BIRC6: variants seen among roughly 807,000 people sequenced by gnomAD.
BIRC6 encodes dual E2 ubiquitin-conjugating enzyme/E3 ubiquitin-protein ligase BIRC6.
Under a neutral mutation model 503.3 loss-of-function variants are expected in BIRC6, and 98 were observed. The observed-to-expected ratio is 0.19, with a 90% CI of 0.17 to 0.23. BIRC6 has a LOEUF of 0.23. Among genes scored for constraint, BIRC6 ranks in the 10% least tolerant of loss-of-function variants. BIRC6 has a pLI of 1.00. For missense variants in BIRC6, 5,360 were observed against 5,806.0 expected (o/e 0.92, Z 2.50); for synonymous variants, 2,240 against 2,078.7 (o/e 1.08, Z -2.11).
intron 24 of BIRC6, 86 bp from the exon 25 acceptor site, chr2:32,464,423 C>T (rs2048314937): frequency 1.5e-6 from 2 of 1,371,856 alleles, no homozygotes; most frequent in Non-Finnish European, 1.9e-6. Context: ...TCATGTTTAT[C>T]TTCATAATAT....
At position 32,531,458 on chromosome 2, in the gene BIRC6, A is replaced by T. The variant is rs117768528; in HGVS notation, c.12198A>T (p.Pro4066=). The change falls in exon 61 of 74, where the codon CCA becomes CCT. Residue 4066 remains proline (P), a synonymous_variant. Coordinates refer to ENST00000421745, the MANE Select transcript of BIRC6 (RefSeq NM_016252.4). ...ATGAATCTTTGCTTGAAACCTGTCC[A>T]ATTCAGTCACCATTACAAGTTTTTG... ...ILDESLLETC[P]IQSPLQVFAG... is the part of the protein sequence containing the mutation. 2.2e-5 allele frequency: 36 copies of T among 1,613,882 alleles called. No individual in the cohort carries two copies. In the East Asian group the frequency reaches 7.6e-4, roughly 34 times the overall value.
intron 9 of BIRC6, among the ~76,000 whole-genome samples, chr2:32,411,430 A>ATT (rs71407450): frequency 7.2e-6 from 1 of 139,008 alleles, no homozygotes; most frequent in Non-Finnish European, 1.6e-5. Flanking sequence ...TTATTTTTTT[A>ATT]TTTTTTTTTT....
intron 61 of BIRC6, among the ~76,000 whole-genome samples, chr2:32,534,981 G>T (rs1265079267): frequency 6.6e-6 from 1 of 151,246 alleles, no homozygotes; most frequent in Non-Finnish European, 1.5e-5. Flanking sequence ...TGCAGGATAT[G>T]CATGCCTGGA....
intron 45 of BIRC6, among the ~76,000 whole-genome samples, chr2:32,499,011 C>T (rs2052830630): frequency 6.6e-6 from 1 of 152,202 alleles, no homozygotes; most frequent in South Asian, 2.1e-4. Flanking sequence ...AGCCACTGCA[C>T]CTGGCCTAAT....
intron 67 of BIRC6, among the ~76,000 whole-genome samples, chr2:32,594,772 G>T (rs1370828285): frequency 6.6e-6 from 1 of 151,356 alleles, no homozygotes; most frequent in African/African-American, 2.5e-5. Flanking sequence ...TGAAGAAAGT[G>T]ATCTGAATTA....
intron 39 of BIRC6, among the ~76,000 whole-genome samples, chr2:32,484,396 A>G (rs1169164994): frequency 3.9e-5 from 6 of 151,990 alleles, no homozygotes; most frequent in African/African-American, 1.4e-4. Flanking sequence ...TACTACAAAT[A>G]TAAAAAAATT....
intron 54 of BIRC6, among the ~76,000 whole-genome samples, chr2:32,513,874 A>T (rs1016230080): frequency 1.2e-4 from 18 of 151,816 alleles, no homozygotes; most frequent in African/African-American, 4.1e-4. Context: ...GCACCATTGA[A>T]CTCAAGCCTG....
In BIRC6 at chr2:32,518,397, A is replaced by G; in HGVS notation, c.11493A>G (p.Pro3831=). ...CAATGTTTCTTCAGTCTCCATGTCC[A>G]GTGAGTATTTAACACTTAATCATTG... ...KVTMFLQSPC[P]LYKGRINATS... is the part of the protein sequence containing the mutation. The change falls in exon 56 of 74, where the codon CCA becomes CCG. Residue 3831 remains proline, a splice_region_variant and synonymous_variant. Transcript: ENST00000421745. 3 of 1,605,814 alleles carry G rather than the reference A, an allele frequency of 1.9e-6. No homozygotes were observed. Among genetic ancestry groups the G allele is most frequent in the East Asian group, 2.2e-5 (1 of 44,778 alleles).
chr2:32,446,738 G>GTTTTTTTTTT lies in BIRC6; in HGVS notation c.4484+1094_4484+1103dup, dbSNP rs58232090. ...TCTAGTCAGCATCTCCCTCTGCGCTGTTTTTTTTTTTTTTTTTTTTTTTTT... is the reference window on the plus strand; with the variant it reads ...TCTAGTCAGCATCTCCCTCTGCGCTGTTTTTTTTTTTTTTTTTTTTTTTTTTTTTTTTTTT... On this transcript the variant is annotated intron_variant, in intron 21 of 73. Transcript: ENST00000421745. 2.6e-4 allele frequency among the ~76,000 whole-genome samples: 9 copies of GTTTTTTTTTT among 34,856 alleles called. 2 individuals carry two copies. Among genetic ancestry groups the GTTTTTTTTTT allele is most frequent in the East Asian group, 1.4e-3 (1 of 738 alleles). The allele number at this position is 34,856 out of a possible 152,430, so 22.9% of individuals were successfully genotyped here.
rs2151625875 is a variant in BIRC6 at position 32,606,335 on chromosome 2, C to G, written c.14071-1120C>G. Among the ~76,000 whole-genome samples, 2 of 152,246 alleles carry G rather than the reference C, an allele frequency of 1.3e-5. 1 individual carries two copies. The highest frequency in any genetic ancestry group is 2.9e-5 in the Non-Finnish European group (2 of 68,024). Reference sequence around the variant, plus strand: ...GGGTATGATGGCTCAGACCTGTAATCTCAGCACTTTGGGAGGCCAAGGTGG... The same window carrying G: ...GGGTATGATGGCTCAGACCTGTAATGTCAGCACTTTGGGAGGCCAAGGTGG... On this transcript the variant is annotated intron_variant, in intron 71 of 73. Coordinates refer to ENST00000421745, the MANE Select transcript of BIRC6 (RefSeq NM_016252.4).
intron 39 of BIRC6, among the ~76,000 whole-genome samples, chr2:32,484,696 T>G (rs1204609437): frequency 6.6e-6 from 1 of 152,092 alleles, no homozygotes; most frequent in African/African-American, 2.4e-5. Context: ...GTAAATAACA[T>G]AAAATTTTTC....
At chr2:32,475,187 A>G (rs2049600532) in intron 33 of BIRC6, among the ~76,000 whole-genome samples, 1 of 150,892 alleles carries the variant, frequency 6.6e-6, no homozygotes, top group South Asian at 2.1e-4. Context: ...AAAAGTGTCA[A>G]TAGTAGTAAT....
chr2:32,479,450 C>G lies in BIRC6; in HGVS notation c.7253-12C>G. 1 of 1,587,636 alleles carries G rather than the reference C, an allele frequency of 6.3e-7. No individual in the cohort carries two copies. Among genetic ancestry groups the G allele is most frequent in the Non-Finnish European group, 8.6e-7 (1 of 1,165,846 alleles). The stretch of plus-strand genomic sequence containing the variant: ...ATAAATTATTAAAACAGGACTATCC[C>G]CTTACATACAGGAGAATTACTGGCT... On this transcript the variant is annotated splice_polypyrimidine_tract_variant and intron_variant, in intron 36 of 73. Coordinates refer to ENST00000421745, the MANE Select transcript of BIRC6 (RefSeq NM_016252.4).
intron 65 of BIRC6, among the ~76,000 whole-genome samples, chr2:32,562,967 A>T (rs1172260451): frequency 6.6e-6 from 1 of 152,164 alleles, no homozygotes; most frequent in Non-Finnish European, 1.5e-5. Flanking sequence ...CGTGAGTACC[A>T]CATTGTCTTA....
intron 65 of BIRC6, chr2:32,558,862 A>G (rs1049487940): frequency 7.2e-5 from 11 of 152,244 alleles, no homozygotes; most frequent in African/African-American, 2.7e-4. Context: ...TATTTGATGT[A>G]AATTGCTAGC....
chr2:32,469,034 T>C (rs1057404867), intron 29 of BIRC6, among the ~76,000 whole-genome samples: 2 of 152,240 alleles, frequency 1.3e-5, no homozygotes, highest in Non-Finnish European at 2.9e-5. Flanking sequence ...TGGCAAAGTA[T>C]TAAGTATTGC....
chr2:32,595,484 C>G (rs1015868323), intron 68 of BIRC6, among the ~76,000 whole-genome samples: 8 of 152,194 alleles, frequency 5.3e-5, no homozygotes, highest in African/African-American at 1.9e-4. Context: ...TGAACTAAGT[C>G]TGTTACTCTT....
At chr2:32,445,040 G>A (rs939545562) in intron 20 of BIRC6, among the ~76,000 whole-genome samples, 1 of 152,118 alleles carries the variant, frequency 6.6e-6, no homozygotes, top group Non-Finnish European at 1.5e-5. Flanking sequence ...TGTACCTAAC[G>A]CATTATAGAA....
Position 32,442,459 on chromosome 2 carries a change from G to T in BIRC6, c.4238+4G>T. On this transcript the variant is annotated splice_donor_region_variant and intron_variant, in intron 19 of 73. Coordinates refer to ENST00000421745, the MANE Select transcript of BIRC6 (RefSeq NM_016252.4). ...GATTTCTAGCCTTGTGCATTAGGTT[G>T]GTATGTTTTTAAGTTGAAAGCATAC... 6.3e-7 allele frequency: 1 copy of T among 1,593,790 alleles called. No individual in the cohort carries two copies. The highest frequency in any genetic ancestry group is 8.5e-7 in the Non-Finnish European group (1 of 1,170,090).
Sources: gnomAD v4.1 joint callset for allele counts (sites outside exome capture counted in the v4.1 genomes callset) on GRCh38, gnomAD v4.1.1 for gene constraint, MANE v1.5 for transcripts, NCBI Gene and HGNC (gene_info 2026-07-23, HGNC 2026-07-21) for gene names.